UNC13C: variants seen among roughly 807,000 people sequenced by gnomAD.
The protein encoded by UNC13C is protein unc-13 homolog C.
In UNC13C, 174 loss-of-function variants were observed where a neutral mutation model predicts 245.4. That is an observed-to-expected ratio of 0.71 (90% CI 0.63 to 0.80). The LOEUF (loss-of-function observed/expected upper bound fraction) is 0.80, where lower values mean the gene tolerates loss of function less well. Ranked by LOEUF, UNC13C falls within the 30% of genes least tolerant of loss-of-function variation. UNC13C has a pLI of 0.00. For synonymous variants in UNC13C, 992 were observed against 895.1 expected (o/e 1.11, Z -1.93); for missense variants, 2,829 against 2,602.9 (o/e 1.09, Z -1.89).
At chr15:54,451,208 T>C (rs1216690575) in intron 19 of UNC13C, among the ~76,000 whole-genome samples, 1 of 151,972 alleles carries the variant, frequency 6.6e-6, no homozygotes, top group Admixed American at 6.5e-5. Context: ...TGATGAGGAA[T>C]TACCTCAGTT....
chr15:53,960,212 C>T, the UNC13C span, among the ~76,000 whole-genome samples: 12 of 152,218 alleles, frequency 7.9e-5, no homozygotes, highest in African/African-American at 2.6e-4. Context: ...CAATATGTAA[C>T]CTAAGTCTTA....
chr15:54,220,849 G>T (rs894909800), intron 4 of UNC13C, among the ~76,000 whole-genome samples: 1 of 151,842 alleles, frequency 6.6e-6, no homozygotes, highest in African/African-American at 2.4e-5. Flanking sequence ...GCCTGTTTTG[G>T]TGCTTTTGGT....
At chr15:54,145,843 A>C (rs1208889685) in intron 4 of UNC13C, among the ~76,000 whole-genome samples, 4 of 152,238 alleles carry the variant, frequency 2.6e-5, no homozygotes. Context: ...TTGTCAGAGC[A>C]ACAGAGTTAA....
chr15:54,004,895 A>G lies in UNC13C; in HGVS notation c.-256-7753A>G, dbSNP rs145391497. Among the ~76,000 whole-genome samples the G allele has an allele frequency of 2.0e-5, 3 of 152,296 alleles. No homozygotes were observed. In the East Asian group the frequency reaches 5.8e-4, roughly 29 times the overall value. ...GTAGAGTTGTTTGAGCTCCTTATAT[A>G]TTCCGGTTATTAATCCCTTGTCGGA... On this transcript the variant is annotated intron_variant, in intron 1 of 32. Transcript: ENST00000260323.
At chr15:54,225,760 C>A (rs564923624) in intron 4 of UNC13C, among the ~76,000 whole-genome samples, 1 of 152,300 alleles carries the variant, frequency 6.6e-6, no homozygotes, top group South Asian at 2.1e-4. Flanking sequence ...CCAACAAAGG[C>A]AGTTTGACTT....
intron 10 of UNC13C, among the ~76,000 whole-genome samples, chr15:54,275,739 A>T (rs372896680): frequency 6.6e-6 from 1 of 152,136 alleles, no homozygotes; most frequent in Admixed American, 6.5e-5. Flanking sequence ...AAAATGGTAA[A>T]CCACTTGGGA....
rs554156515 is a variant in UNC13C at position 54,444,798 on chromosome 15, T to C, written c.4933+29731T>C. ...CTGGCTTAAGAGTTTATTTTTTATA[T>C]ATATATTACTTTTATATATATGTAT... On this transcript the variant is annotated intron_variant, in intron 19 of 32. Coordinates refer to ENST00000260323, the MANE Select transcript of UNC13C (RefSeq NM_001080534.3). Among the ~76,000 whole-genome samples, 4 of 151,668 alleles carry C rather than the reference T, an allele frequency of 2.6e-5. No individual in the cohort carries two copies. The South Asian group carries it at 6.2e-4, about 24-fold the overall frequency.
the UNC13C span, among the ~76,000 whole-genome samples, chr15:53,882,263 C>A: frequency 6.6e-6 from 1 of 152,058 alleles, no homozygotes; most frequent in African/African-American, 2.4e-5. Flanking sequence ...GCTTCCATTA[C>A]CTAATGGTTT....
intron 4 of UNC13C, among the ~76,000 whole-genome samples, chr15:54,171,069 C>T (rs2033381393): frequency 6.6e-6 from 1 of 152,226 alleles, no homozygotes; most frequent in Non-Finnish European, 1.5e-5. Flanking sequence ...GTCAAATGTA[C>T]ACATGCTTAT....
chr15:54,004,817 G>A (rs912508396), intron 1 of UNC13C, among the ~76,000 whole-genome samples: 6 of 152,118 alleles, frequency 3.9e-5, no homozygotes, highest in Non-Finnish European at 4.4e-5. Flanking sequence ...TTTGATAAAT[G>A]TCTATTCAAG....
At chr15:54,564,173 C>A (rs1413662861) in intron 29 of UNC13C, among the ~76,000 whole-genome samples, 1 of 151,872 alleles carries the variant, frequency 6.6e-6, no homozygotes, top group East Asian at 1.9e-4. Flanking sequence ...ACATAGCTAC[C>A]CTCTGTCCTG....
intron 28 of UNC13C, among the ~76,000 whole-genome samples, chr15:54,554,593 C>G (rs889969213): frequency 6.6e-6 from 1 of 151,976 alleles, no homozygotes; most frequent in African/African-American, 2.4e-5. Context: ...AAACGTTTTC[C>G]CTGTATTAAA....
the UNC13C span, among the ~76,000 whole-genome samples, chr15:53,849,735 C>G: frequency 6.6e-6 from 1 of 152,070 alleles, no homozygotes; most frequent in South Asian, 2.1e-4. Flanking sequence ...CTGGCAGCAA[C>G]CATCAATTAT....
At chr15:53,971,910 A>G in the UNC13C span, among the ~76,000 whole-genome samples, 5 of 141,990 alleles carry the variant, frequency 3.5e-5, no homozygotes, top group African/African-American at 1.2e-4. Flanking sequence ...TACAACAAAA[A>G]CATGAATAGG....
At chr15:54,285,579 C>G (rs2037123292) in intron 10 of UNC13C, among the ~76,000 whole-genome samples, 1 of 152,134 alleles carries the variant, frequency 6.6e-6, no homozygotes, top group African/African-American at 2.4e-5. Flanking sequence ...TGAAAGGCTG[C>G]CGTGGCTGCT....
intron 17 of UNC13C, among the ~76,000 whole-genome samples, chr15:54,364,626 T>TTTG (rs2039319290): frequency 6.6e-6 from 1 of 152,222 alleles, no homozygotes; most frequent in South Asian, 2.1e-4. Context: ...TAGTGACTTT[T>TTTG]TTGTTGGAAC....
At chr15:53,932,737 C>G in the UNC13C span, among the ~76,000 whole-genome samples, 1 of 152,130 alleles carries the variant, frequency 6.6e-6, no homozygotes, top group Admixed American at 6.5e-5. Context: ...ATTTCACTCT[C>G]TGGCCACTCG....
chr15:53,849,707 T>C, the UNC13C span, among the ~76,000 whole-genome samples: 1 of 152,172 alleles, frequency 6.6e-6, no homozygotes, highest in African/African-American at 2.4e-5. Flanking sequence ...ATTCCCATTC[T>C]TTTCCACAAA....
chr15:54,325,304 A>G (rs2038270458), intron 14 of UNC13C, among the ~76,000 whole-genome samples: 1 of 151,978 alleles, frequency 6.6e-6, no homozygotes, highest in African/African-American at 2.4e-5. Flanking sequence ...ACAGGTTTAG[A>G]GATAAGACTG....
Sources: allele counts gnomAD v4.1 joint callset (sites outside exome capture counted in the v4.1 genomes callset), GRCh38; gene constraint gnomAD v4.1.1; transcripts MANE v1.5; gene names NCBI Gene and HGNC (gene_info 2026-07-23, HGNC 2026-07-21).